PPM1A: variants seen among roughly 807,000 people sequenced by gnomAD.
PPM1A encodes protein phosphatase 1A.
A neutral mutation model predicts 35.0 loss-of-function variants in PPM1A; 7 were observed. The ratio of observed to expected loss-of-function variants is 0.20; its 90% CI spans 0.11 to 0.38. PPM1A has a LOEUF of 0.38. PPM1A is among the 10% of genes least tolerant of loss of function. The pLI is 1.00. For synonymous variants in PPM1A, 153 were observed against 167.3 expected (o/e 0.91, Z 0.66); for missense variants, 239 against 467.8 (o/e 0.51, Z 4.51).
chr14:60,255,372 C>T (rs1435924196), intron 1 of PPM1A, among the ~76,000 whole-genome samples: 1 of 151,368 alleles, frequency 6.6e-6, no homozygotes, highest in East Asian at 1.9e-4. Context: ...GGGGTTTCAC[C>T]GTGTTAGCCA....
Position 60,282,627 on chromosome 14 carries a change from G to C in PPM1A, c.-20-57G>C. 1 of 1,549,178 alleles carries C rather than the reference G, an allele frequency of 6.5e-7. No individual in the cohort carries two copies. The highest frequency in any genetic ancestry group is 8.7e-7 in the Non-Finnish European group (1 of 1,144,518). The stretch of plus-strand genomic sequence containing the variant: ...CTTTCACTTATTAAAAAGATTGTTT[G>C]GTACATATTTTGTTTATAAGACAGT... On this transcript the variant is annotated intron_variant, in intron 1 of 5. Coordinates refer to ENST00000395076, the MANE Select transcript of PPM1A (RefSeq NM_021003.5). The surrounding 1 kb of genome is among the most constrained non-coding windows in gnomAD (Gnocchi z 5.1).
chr14:60,250,940 T>C (rs1227342831), intron 1 of PPM1A, among the ~76,000 whole-genome samples: 1 of 152,218 alleles, frequency 6.6e-6, no homozygotes, highest in Admixed American at 6.5e-5. Context: ...TTTCCAAAGA[T>C]TGTATTTCTG....
At position 60,273,563 on chromosome 14, in the gene PPM1A, A is replaced by G. The variant is rs868181354; in HGVS notation, c.-20-9121A>G. 6.6e-6 allele frequency among the ~76,000 whole-genome samples: 1 copy of G among 152,144 alleles called. No homozygotes were observed. On this transcript the variant is annotated intron_variant, in intron 1 of 5. Coordinates refer to ENST00000395076, the MANE Select transcript of PPM1A (RefSeq NM_021003.5). The surrounding 1 kb of genome is among the most constrained non-coding windows in gnomAD (Gnocchi z 4.3). Reference sequence around the variant, plus strand: ...CCCAGCAGTGGAAAGCCATTGAGAAACTTTTAGTACAGAAGTGATATGGTG... The same window carrying G: ...CCCAGCAGTGGAAAGCCATTGAGAAGCTTTTAGTACAGAAGTGATATGGTG...
chr14:60,254,139 G>A (rs1263605739), intron 1 of PPM1A, among the ~76,000 whole-genome samples: 3 of 152,194 alleles, frequency 2.0e-5, no homozygotes, highest in Admixed American at 2.0e-4. Flanking sequence ...ATAGAGACTT[G>A]CTTAGTATGA....
chr14:60,288,182 A>C, intron 3 of PPM1A: 5 of 984,978 alleles, frequency 5.1e-6, no homozygotes, highest in Non-Finnish European at 6.0e-6. Flanking sequence ...AAAGCTTTAC[A>C]TTATTTTTTT....
chr14:60,292,568 A>G lies in PPM1A; in HGVS notation c.*86A>G. 1 of 1,207,808 alleles carries G rather than the reference A, an allele frequency of 8.3e-7. No homozygotes were observed. 74.8% of individuals were successfully genotyped at this position (1,207,808 alleles called of 1,614,324 possible). On this transcript the variant is annotated 3_prime_UTR_variant, in exon 6 of 6. Transcript: ENST00000395076. This position sits in a 1 kb window ranked among gnomAD's most constrained non-coding sequence, Gnocchi z 4.2. ...GTTGAAACTTTTAACATCCATCCTC[A>G]ACTTTAAGGAAGGGGATATGACATG... is the stretch of plus-strand genomic sequence containing the variant.
intron 2 of PPM1A, among the ~76,000 whole-genome samples, chr14:60,284,635 C>G (rs1595361926): frequency 2.1e-5 from 3 of 144,350 alleles, no homozygotes; most frequent in African/African-American, 7.8e-5. Flanking sequence ...GAGCGAGACT[C>G]CGTCTCAAAA....
At chr14:60,249,129 G>C, upstream of PPM1A, 3 of 709,114 alleles carry the variant, frequency 4.2e-6, no homozygotes, top group Non-Finnish European at 5.2e-6. This position sits in a 1 kb window ranked among gnomAD's most constrained non-coding sequence, Gnocchi z 4.5. Flanking sequence ...CCGCGCCGCA[G>C]CTGTAGCGGC....
chr14:60,268,301 T>C, intron 1 of PPM1A: 2 of 984,468 alleles, frequency 2.0e-6, no homozygotes, highest in South Asian at 4.7e-5. Flanking sequence ...AGGTTTCTGG[T>C]CTTCACTCTA....
intron 1 of PPM1A, among the ~76,000 whole-genome samples, chr14:60,269,140 T>A (rs1884763811): frequency 6.6e-6 from 1 of 152,208 alleles, no homozygotes; most frequent in Non-Finnish European, 1.5e-5. Flanking sequence ...TGTTTATTGC[T>A]TTATTCCTTG....
In PPM1A at chr14:60,283,130, A is replaced by C; in HGVS notation, c.427A>C (p.Asn143His). The change falls in exon 2 of 6, where the codon AAC becomes CAC. Residue 143 changes from asparagine to histidine, a missense_variant. Coordinates refer to ENST00000395076, the MANE Select transcript of PPM1A (RefSeq NM_021003.5). The surrounding 1 kb of genome is among the most constrained non-coding windows in gnomAD (Gnocchi z 6.3). ...TTCTCCCCAACATACTTATTTCATTAACTGTGGAGACTCAAGAGGTTTACT... is the reference window on the plus strand; with the variant it reads ...TTCTCCCCAACATACTTATTTCATTCACTGTGGAGACTCAAGAGGTTTACT... The part of the protein sequence containing the change: ...LISPQHTYFI[N>H]CGDSRGLLCR... 1 of 1,614,216 alleles carries C rather than the reference A, an allele frequency of 6.2e-7. No individual in the cohort carries two copies. Among genetic ancestry groups the C allele is most frequent in the South Asian group, 1.1e-5 (1 of 91,082 alleles).
intron 1 of PPM1A, among the ~76,000 whole-genome samples, chr14:60,275,683 C>T (rs1319061117): frequency 6.6e-6 from 1 of 152,026 alleles, no homozygotes; most frequent in Non-Finnish European, 1.5e-5. Flanking sequence ...CTATTTTGCC[C>T]AGGCTGGTCT....
At chr14:60,274,923 CTTAT>C (rs2139473932) in intron 1 of PPM1A, among the ~76,000 whole-genome samples, 1 of 151,854 alleles carries the variant, frequency 6.6e-6, no homozygotes, top group African/African-American at 2.4e-5. Flanking sequence ...AAAAAGTCAT[CTTAT>C]TTTTCTCTGT....
chr14:60,257,752 T>C (rs1306287099), intron 1 of PPM1A, among the ~76,000 whole-genome samples: 1 of 152,192 alleles, frequency 6.6e-6, no homozygotes, highest in Non-Finnish European at 1.5e-5. Context: ...TGAAGTGTGC[T>C]TACCTTTATT....
chr14:60,256,429 C>G (rs1283881799), intron 1 of PPM1A, among the ~76,000 whole-genome samples: 1 of 150,540 alleles, frequency 6.6e-6, no homozygotes, highest in Non-Finnish European at 1.5e-5. Flanking sequence ...AAGACATCGT[C>G]TAAAAAAAAA....
intron 3 of PPM1A, chr14:60,287,032 A>C: frequency 3.2e-6 from 3 of 928,130 alleles, no homozygotes; most frequent in Non-Finnish European, 3.9e-6. Context: ...ATTCATAAGA[A>C]TAATATGTAT....
chr14:60,284,721 A>G (rs1886794783), intron 2 of PPM1A, among the ~76,000 whole-genome samples: 1 of 122,420 alleles, frequency 8.2e-6, no homozygotes. Flanking sequence ...ATATATATAT[A>G]CATATATATA....
At chr14:60,288,450 A>G in intron 3 of PPM1A, 1 of 984,090 alleles carries the variant, frequency 1.0e-6, no homozygotes, top group Non-Finnish European at 1.2e-6. Context: ...TTAGGTAAAC[A>G]TCAAATCCCT....
In PPM1A at chr14:60,249,340, G is replaced by C. The variant is rs1185377477; in HGVS notation, c.-358G>C. Reference sequence around the variant, plus strand: ...CGGGTCCTCAGGCGGCTGTTGCTCCGGAACGGGTGGTTGGGGAGGGGGGGG... The same window carrying C: ...CGGGTCCTCAGGCGGCTGTTGCTCCCGAACGGGTGGTTGGGGAGGGGGGGG... On this transcript the variant is annotated 5_prime_UTR_variant, in exon 1 of 6. Coordinates refer to ENST00000395076, the MANE Select transcript of PPM1A (RefSeq NM_021003.5). The surrounding 1 kb of genome is among the most constrained non-coding windows in gnomAD (Gnocchi z 4.5). 4.1e-6 allele frequency: 4 copies of C among 979,872 alleles called. No individual in the cohort carries two copies. In the African/African-American group the frequency reaches 7.2e-5, roughly 18 times the overall value. 60.7% of individuals were successfully genotyped at this position (979,872 alleles called of 1,614,324 possible). A position where few individuals can be genotyped will look rare whatever the true frequency, so the allele number is the denominator to read the frequency against.
Sources: gnomAD v4.1 joint callset for allele counts (sites outside exome capture counted in the v4.1 genomes callset) on GRCh38, gnomAD v4.1.1 for gene constraint, Gnocchi (gnomAD v3.1) non-coding constraint, MANE v1.5 for transcripts, NCBI Gene and HGNC (gene_info 2026-07-23, HGNC 2026-07-21) for gene names.